The following C3AR1 variants were observed in gnomAD, a reference collection of about 807,000 sequenced individuals.
C3AR1 encodes the protein C3a anaphylatoxin chemotactic receptor.
For synonymous variants in C3AR1, 208 were observed against 225.3 expected (o/e 0.92, Z 0.69); for missense variants, 579 against 583.5 (o/e 0.99, Z 0.08).
In C3AR1 at chr12:8,057,943, A is replaced by T. The variant is rs1360383820; in HGVS notation, c.*794T>A. 6.6e-6 allele frequency among the ~76,000 whole-genome samples: 1 copy of T among 152,212 alleles called. No homozygotes were observed. Among genetic ancestry groups the T allele is most frequent in the Non-Finnish European group, 1.5e-5 (1 of 68,040 alleles). ...TAATAAGGAAATTAAGGAGCTTAGGAAGAGGAGTGGAAAATAGGTGCCCAA... is the reference window on the plus strand; with the variant it reads ...TAATAAGGAAATTAAGGAGCTTAGGTAGAGGAGTGGAAAATAGGTGCCCAA... On this transcript the variant is annotated 3_prime_UTR_variant, in exon 2 of 2. Coordinates refer to ENST00000307637, the MANE Select transcript of C3AR1 (RefSeq NM_004054.4).
intron 1 of C3AR1, among the ~76,000 whole-genome samples, chr12:8,065,085 A>G (rs1947316793): frequency 6.7e-6 from 1 of 150,226 alleles, no homozygotes; most frequent in South Asian, 2.1e-4. Flanking sequence ...GCATATAATC[A>G]TTACTAGGGA....
In C3AR1 at chr12:8,059,499, G is replaced by A; in HGVS notation, c.687C>T (p.Phe229=). ...AAGGTCTTTGAAATGTTTGAGGTTG[G>A]AAGACAGTGGGGACTGTCCAAGGAT... is the stretch of plus-strand genomic sequence containing the variant. The part of the protein sequence containing the change: ...NDHPWTVPTV[F]QPQTFQRPSA... Residue 229 remains phenylalanine, a synonymous_variant, in exon 2 of 2, where the codon TTC becomes TTT. Transcript: ENST00000307637. 6.2e-7 allele frequency: 1 copy of A among 1,614,138 alleles called. No individual in the cohort carries two copies. The highest frequency in any genetic ancestry group is 2.2e-5 in the East Asian group (1 of 44,884).
In C3AR1 at chr12:8,059,015, T is replaced by G. The variant is rs759126362; in HGVS notation, c.1171A>C (p.Thr391Pro). 9 of 1,613,628 alleles carry G rather than the reference T, an allele frequency of 5.6e-6. No individual in the cohort carries two copies. The East Asian group carries it at 2.0e-4, about 36-fold the overall frequency. Residue 391 changes from threonine (T) to proline (P), a missense_variant, in exon 2 of 2, where the codon ACT becomes CCT. Thr to Pro is a conservative substitution (Grantham distance 38). Coordinates refer to ENST00000307637, the MANE Select transcript of C3AR1 (RefSeq NM_004054.4). ...VVVAVFLVCWTPYHIFGVLSL... is the reference protein window; with the variant it reads ...VVVAVFLVCWPPYHIFGVLSL... Reference sequence around the variant, plus strand: ...AGGACTCCAAAAATGTGGTATGGAGTCCAGCAGACAAGAAAGACAGCCACC... The same window carrying G: ...AGGACTCCAAAAATGTGGTATGGAGGCCAGCAGACAAGAAAGACAGCCACC...
At chr12:8,062,949 C>CTTTTTTTTTTTTT (rs71451936) in intron 1 of C3AR1, among the ~76,000 whole-genome samples, 3 of 56,324 alleles carry the variant, frequency 5.3e-5, no homozygotes, top group African/African-American at 2.1e-4. Flanking sequence ...GCGCCCGGCC[C>CTTTTTTTTTTTTT]TTTTTTTTTT....
Position 8,059,721 on chromosome 12 carries a change from A to G in C3AR1, c.465T>C (p.Ile155=), listed in dbSNP as rs11567812. ...AGATTTCCCGGTACACGAACACAGGAATGCACATCACAAAAGCCACCACCC... is the reference window on the plus strand; with the variant it reads ...AGATTTCCCGGTACACGAACACAGGGATGCACATCACAAAAGCCACCACCC... ...CIWVVAFVMC[I]PVFVYREIFT... is the part of the protein sequence containing the mutation. Residue 155 remains isoleucine (I), a synonymous_variant, in exon 2 of 2, where the codon ATT becomes ATC. Coordinates refer to ENST00000307637, the MANE Select transcript of C3AR1 (RefSeq NM_004054.4). 1.2e-6 allele frequency: 2 copies of G among 1,614,166 alleles called. No homozygotes were observed. The highest frequency in any genetic ancestry group is 1.7e-6 in the Non-Finnish European group (2 of 1,180,028).
chr12:8,058,581 G>C lies in C3AR1; in HGVS notation c.*156C>G. Reference sequence around the variant, plus strand: ...TTGCATTTCTAACAAGTTTCTAGGTGATGCTGATGTCAATAGTCTGTGTAC... The same window carrying C: ...TTGCATTTCTAACAAGTTTCTAGGTCATGCTGATGTCAATAGTCTGTGTAC... On this transcript the variant is annotated 3_prime_UTR_variant, in exon 2 of 2. Transcript: ENST00000307637. 1 of 782,518 alleles carries C rather than the reference G, an allele frequency of 1.3e-6. No individual in the cohort carries two copies. Among genetic ancestry groups the C allele is most frequent in the South Asian group, 1.9e-5 (1 of 51,808 alleles). 48.5% of individuals were successfully genotyped at this position (782,518 alleles called of 1,614,324 possible).
chr12:8,058,647 A>G lies in C3AR1; in HGVS notation c.*90T>C, dbSNP rs1947220875. 15 of 1,390,594 alleles carry G rather than the reference A, an allele frequency of 1.1e-5. No individual in the cohort carries two copies. The highest frequency in any genetic ancestry group is 1.4e-5 in the Non-Finnish European group (14 of 1,020,488). The allele number at this position is 1,390,594 out of a possible 1,614,324, so 86.1% of individuals were successfully genotyped here. A position where few individuals can be genotyped will look rare whatever the true frequency, so the allele number is the denominator to read the frequency against. On this transcript the variant is annotated 3_prime_UTR_variant, in exon 2 of 2. Transcript: ENST00000307637. Reference sequence around the variant, plus strand: ...GGATTGATTCTTTGACAGTTTTTGAAGTCCGCTGCTCACCATATCACTTCA... The same window carrying G: ...GGATTGATTCTTTGACAGTTTTTGAGGTCCGCTGCTCACCATATCACTTCA...
chr12:8,059,217 G>A lies in C3AR1; in HGVS notation c.969C>T (p.Phe323=), dbSNP rs1947237682. 4 of 1,614,172 alleles carry A rather than the reference G, an allele frequency of 2.5e-6. No individual in the cohort carries two copies. The highest frequency in any genetic ancestry group is 3.4e-6 in the Non-Finnish European group (4 of 1,180,030). ...GTGTTGGCACTTGATCGTCATCTGT[G>A]AATTGGCCTAAATTGTAATAATCCT... The part of the protein sequence containing the change: ...GFQDYYNLGQ[F]TDDDQVPTPL... The change falls in exon 2 of 2, where the codon TTC becomes TTT. Residue 323 remains phenylalanine (F), a synonymous_variant. Transcript: ENST00000307637.
At chr12:8,062,950 T>G (rs1947290179) in intron 1 of C3AR1, among the ~76,000 whole-genome samples, 1 of 19,048 alleles carries the variant, frequency 5.2e-5, no homozygotes, top group Non-Finnish European at 1.5e-4. Context: ...CGCCCGGCCC[T>G]TTTTTTTTTT....
In C3AR1 at chr12:8,057,659, A is replaced by T. The variant is rs1457856984; in HGVS notation, c.*1078T>A. Among the ~76,000 whole-genome samples the T allele has an allele frequency of 6.6e-6, 1 of 152,198 alleles. No individual in the cohort carries two copies. The highest frequency in any genetic ancestry group is 1.9e-4 in the East Asian group (1 of 5,200). On this transcript the variant is annotated 3_prime_UTR_variant, in exon 2 of 2. Transcript: ENST00000307637. ...GCAAAGAAAAGGATTTAAAAAACCC[A>T]GAAGATATATTTGGTAATTTTGGCA...
At position 8,060,037 on chromosome 12, in the gene C3AR1, A is replaced by G. The variant is rs1947257886; in HGVS notation, c.149T>C (p.Leu50Pro). ...GNGLVLWVAG[L>P]KMQRTVNTIW... ...TGTGTTCACTGTCCGCTGCATCTTC[A>G]GGCCAGCCACCCACAGCACCAGCCC... The change falls in exon 2 of 2, where the codon CTG becomes CCG. Residue 50 changes from leucine to proline, a missense_variant. By Grantham distance (98) the Leu-to-Pro change is moderately conservative. Transcript: ENST00000307637. 1 of 1,614,038 alleles carries G rather than the reference A, an allele frequency of 6.2e-7. No individual in the cohort carries two copies. Among genetic ancestry groups the G allele is most frequent in the Non-Finnish European group, 8.5e-7 (1 of 1,180,038 alleles).
chr12:8,056,866 A>C lies in C3AR1; in HGVS notation c.*1871T>G, dbSNP rs1332961579. The stretch of plus-strand genomic sequence containing the variant: ...GGATTCATAAATCTCTGAGCCTCGC[A>C]AGGACCCATGAGAAAAAAAGCATTT... On this transcript the variant is annotated 3_prime_UTR_variant, in exon 2 of 2. Coordinates refer to ENST00000307637, the MANE Select transcript of C3AR1 (RefSeq NM_004054.4). 6.6e-6 allele frequency among the ~76,000 whole-genome samples: 1 copy of C among 152,238 alleles called. No homozygotes were observed. The highest frequency in any genetic ancestry group is 2.4e-5 in the African/African-American group (1 of 41,464).
At position 8,059,627 on chromosome 12, in the gene C3AR1, AG is replaced by A. The variant is rs1947246037; in HGVS notation, c.558del (p.Tyr188MetfsTer5). ...CTGTTTTCTAGTGGATCTCCATAAAAGTCTGGATAATCTAATGAGCTGGAGA... is the reference window on the plus strand; with the variant it reads ...CTGTTTTCTAGTGGATCTCCATAAAATCTGGATAATCTAATGAGCTGGAGA... ...FGLSSSLDYPDFYGDPLENRS... is the reference protein window; with the variant it reads ...FGLSSSLDYPXFYGDPLENRS... On this transcript the variant is annotated frameshift_variant, in exon 2 of 2. Coordinates refer to ENST00000307637, the MANE Select transcript of C3AR1 (RefSeq NM_004054.4). LOFTEE classifies it low-confidence loss of function (END_TRUNC). 6.2e-7 allele frequency: 1 copy of A among 1,614,192 alleles called. No individual in the cohort carries two copies. The highest frequency in any genetic ancestry group is 8.5e-7 in the Non-Finnish European group (1 of 1,180,038).
chr12:8,063,447 C>T (rs1056673039), intron 1 of C3AR1, among the ~76,000 whole-genome samples: 2 of 152,144 alleles, frequency 1.3e-5, no homozygotes, highest in African/African-American at 4.8e-5. Context: ...TGTGAACATG[C>T]TCGTAAATGT....
chr12:8,059,155 C>T lies in C3AR1; in HGVS notation c.1031G>A (p.Gly344Asp). 1 of 1,614,192 alleles carries T rather than the reference C, an allele frequency of 6.2e-7. No individual in the cohort carries two copies. Among genetic ancestry groups the T allele is most frequent in the Non-Finnish European group, 8.5e-7 (1 of 1,180,030 alleles). ...VAITITRLVV[G>D]FLLPSVIMIA... ...CATGATAACAGAGGGCAGCAGGAAACCCACCACTAGCCTAGTGATCGTTAT... is the reference window on the plus strand; with the variant it reads ...CATGATAACAGAGGGCAGCAGGAAATCCACCACTAGCCTAGTGATCGTTAT... The change falls in exon 2 of 2, where the codon GGT (glycine) becomes GAT (aspartate). Residue 344 changes from glycine to aspartate, a missense_variant. Coordinates refer to ENST00000307637, the MANE Select transcript of C3AR1 (RefSeq NM_004054.4).
Position 8,066,296 on chromosome 12 carries a change from G to A in C3AR1, c.-29C>T, listed in dbSNP as rs1225480979. On this transcript the variant is annotated 5_prime_UTR_variant, in exon 1 of 2. Transcript: ENST00000307637. The stretch of plus-strand genomic sequence containing the variant: ...TTCTTACCAAAAAACTGAGACAGTA[G>A]CTGAAGGCTTCAGCACCTGGATGTC... The A allele has an allele frequency of 2.6e-5, 4 of 152,166 alleles. No homozygotes were observed. Among genetic ancestry groups the A allele is most frequent in the African/African-American group, 9.7e-5 (4 of 41,428 alleles). The allele number at this position is 152,166 out of a possible 1,614,324, so 9.4% of individuals were successfully genotyped here.
chr12:8,059,992 G>T lies in C3AR1; in HGVS notation c.194C>A (p.Thr65Asn). The change falls in exon 2 of 2, where the codon ACC (threonine) becomes AAC (asparagine). Residue 65 changes from threonine to asparagine, a missense_variant. By Grantham distance (65) the Thr-to-Asn change is moderately conservative. Transcript: ENST00000307637. Reference protein sequence around the residue: ...TVNTIWFLHLTLADLLCCLSL... With the variant: ...TVNTIWFLHLNLADLLCCLSL... ...GAGGCAGCAGAGGAGGTCCGCCAAGGTGAGGTGGAGGAACCAAATTGTGTT... is the reference window on the plus strand; with the variant it reads ...GAGGCAGCAGAGGAGGTCCGCCAAGTTGAGGTGGAGGAACCAAATTGTGTT... 1 of 1,614,112 alleles carries T rather than the reference G, an allele frequency of 6.2e-7. No homozygotes were observed.
chr12:8,058,695 G>A lies in C3AR1; in HGVS notation c.*42C>T, dbSNP rs778733124. 3.2e-6 allele frequency: 5 copies of A among 1,551,182 alleles called. No individual in the cohort carries two copies. The highest frequency in any genetic ancestry group is 2.3e-4 in the Middle Eastern group (1 of 4,400). On this transcript the variant is annotated 3_prime_UTR_variant, in exon 2 of 2. Transcript: ENST00000307637. ...TCATCCTCTTATAAACTTTCACTAT[G>A]TGATTGCCTAAGAGCCCCTGCTTGT...
Position 8,058,532 on chromosome 12 carries a change from A to C in C3AR1, c.*205T>G. 1 of 569,254 alleles carries C rather than the reference A, an allele frequency of 1.8e-6. No individual in the cohort carries two copies. Among genetic ancestry groups the C allele is most frequent in the Non-Finnish European group, 3.0e-6 (1 of 332,584 alleles). 35.3% of individuals were successfully genotyped at this position (569,254 alleles called of 1,614,324 possible). On this transcript the variant is annotated 3_prime_UTR_variant, in exon 2 of 2. Transcript: ENST00000307637. The stretch of plus-strand genomic sequence containing the variant: ...CAACCCCCAGAGATTCCGATTCAGC[A>C]AGTCTGGGATGCGGCTTGAGAATTT...
Sources: allele counts gnomAD v4.1 joint callset (sites outside exome capture counted in the v4.1 genomes callset), GRCh38; gene constraint gnomAD v4.1.1; transcripts MANE v1.5; gene names NCBI Gene and HGNC (gene_info 2026-07-23, HGNC 2026-07-21).